Variants in MARCHF1 observed in about 807,000 individuals in gnomAD.
MARCHF1 encodes membrane associated ring-CH-type finger 1.
In MARCHF1, 40 loss-of-function variants were observed where a neutral mutation model predicts 54.2. The ratio of observed to expected loss-of-function variants is 0.74; its 90% confidence interval spans 0.57 to 0.96. The LOEUF (loss-of-function observed/expected upper bound fraction) is 0.96, where lower values mean the gene tolerates loss of function less well. MARCHF1 is among the 40% of genes least tolerant of loss of function. The probability of loss-of-function intolerance (pLI) is 0.00; values close to 1 mark genes in which losing one functional copy is unlikely to be tolerated. For missense variants in MARCHF1, 586 were observed against 656.5 expected, an observed-to-expected ratio of 0.89 and a Z score of 1.17; for synonymous variants, 236 against 236.3, an observed-to-expected ratio of 1.00 and a Z score of 0.01.
chr4:164,124,536 C>T (rs1252502167), intron 1 of MARCHF1, among the ~76,000 whole-genome samples: 3 of 152,150 alleles, frequency 2.0e-5, no homozygotes, highest in Middle Eastern at 3.4e-3. Flanking sequence ...AAGTGTCCAT[C>T]GACAGACAAA....
chr4:164,083,842 C>T (rs761899937), intron 2 of MARCHF1, among the ~76,000 whole-genome samples: 10 of 152,138 alleles, frequency 6.6e-5, no homozygotes, highest in African/African-American at 2.2e-4. Context: ...AATATTATAC[C>T]TGATGGCATG....
In MARCHF1 at chr4:164,144,287, C is replaced by G. The variant is rs538063602; in HGVS notation, c.-322-32625G>C. On this transcript the variant is annotated intron_variant, in intron 1 of 9. Transcript: ENST00000514618. ...TGAGACAGAAAGTCAACAAGGATAC[C>G]CAGGAATTGAACTCAGCTCTGCACC... Among the ~76,000 whole-genome samples the G allele has an allele frequency of 2.0e-4, 31 of 151,654 alleles. No homozygotes were observed. The Middle Eastern group carries it at 0.01, about 50-fold the overall frequency.
chr4:164,128,597 AT>A (rs932944007), intron 1 of MARCHF1, among the ~76,000 whole-genome samples: 1 of 152,068 alleles, frequency 6.6e-6, no homozygotes, highest in African/African-American at 2.4e-5. Context: ...GGTTGGCAAA[AT>A]TTTTTTAAAT....
intron 4 of MARCHF1, among the ~76,000 whole-genome samples, chr4:163,749,899 T>TAA (rs3085804): frequency 0.047 from 7,039 of 149,018 alleles, 242 homozygotes; most frequent in African/African-American, 0.091. Context: ...CTATCTTTGT[T>TAA]AAAAAAAAAA....
At chr4:164,002,703 C>T (rs963156435) in intron 2 of MARCHF1, among the ~76,000 whole-genome samples, 5 of 151,592 alleles carry the variant, frequency 3.3e-5, no homozygotes, top group African/African-American at 1.2e-4. Flanking sequence ...TCCACTGATC[C>T]AAGAAGCCCA....
chr4:163,684,817 A>T (rs182977487), intron 5 of MARCHF1, among the ~76,000 whole-genome samples: 10 of 152,362 alleles, frequency 6.6e-5, no homozygotes, highest in Admixed American at 5.9e-4. Context: ...TGAAAGAATT[A>T]TGCAGTAAAC....
intron 1 of MARCHF1, chr4:164,189,033 C>T (rs1474451456): frequency 1.4e-6 from 1 of 691,748 alleles, no homozygotes; most frequent in Non-Finnish European, 2.6e-6. Context: ...GGGGAGAAGA[C>T]ATCCTGTTGT....
At chr4:164,338,751 T>C (rs1435829232) in intron 1 of MARCHF1, among the ~76,000 whole-genome samples, 1 of 152,182 alleles carries the variant, frequency 6.6e-6, no homozygotes, top group East Asian at 1.9e-4. Context: ...GGTAGGTGGA[T>C]CACCTGAGGT....
At chr4:163,553,279 G>C (rs538499428) in intron 8 of MARCHF1, among the ~76,000 whole-genome samples, 105 of 152,274 alleles carry the variant, frequency 6.9e-4, no homozygotes, top group African/African-American at 1.1e-3. Context: ...TCACAACTTG[G>C]AGCTTGCAGC....
rs1198539778 is a variant in MARCHF1, at chr4:163,525,585, G to T, written c.*3163C>A. ...TACAATTTAATCTTTACTCCTGTAC[G>T]ATAAGAGTGATAGTTCTTTAAAAAA... On this transcript the variant is annotated 3_prime_UTR_variant, in exon 10 of 10. Transcript: ENST00000514618. The T allele has an allele frequency of 6.6e-6, 1 of 151,946 alleles. No homozygotes were observed. Among genetic ancestry groups the T allele is most frequent in the African/African-American group, 2.4e-5 (1 of 41,400 alleles). 9.4% of individuals were successfully genotyped at this position (151,946 alleles called of 1,614,324 possible). A position where few individuals can be genotyped will look rare whatever the true frequency, so the allele number is the denominator to read the frequency against.
intron 4 of MARCHF1, among the ~76,000 whole-genome samples, chr4:163,797,478 TTCTC>T (rs1747951110): frequency 6.6e-6 from 1 of 152,072 alleles, no homozygotes; most frequent in Non-Finnish European, 1.5e-5. Flanking sequence ...CAGATTTCCT[TTCTC>T]TCTGTTATTT....
intron 5 of MARCHF1, among the ~76,000 whole-genome samples, chr4:163,670,384 G>GTCTATCTATCTA (rs1458064267): frequency 2.8e-5 from 3 of 107,172 alleles, no homozygotes; most frequent in African/African-American, 1.2e-4. Context: ...CTATCTATCT[G>GTCTATCTATCTA]TCTGTCTATC....
At chr4:163,897,380 C>T (rs1199399445) in intron 3 of MARCHF1, among the ~76,000 whole-genome samples, 1 of 152,116 alleles carries the variant, frequency 6.6e-6, no homozygotes, top group Non-Finnish European at 1.5e-5. Flanking sequence ...TCACTTTCTT[C>T]CTCTCACCCT....
intron 5 of MARCHF1, among the ~76,000 whole-genome samples, chr4:163,657,917 T>G (rs917746225): frequency 6.6e-6 from 1 of 152,224 alleles, no homozygotes; most frequent in East Asian, 1.9e-4. Context: ...TAACCCAAGA[T>G]GGATTAAAGA....
intron 5 of MARCHF1, among the ~76,000 whole-genome samples, chr4:163,682,073 C>T (rs1221523046): frequency 6.6e-6 from 1 of 152,136 alleles, no homozygotes; most frequent in South Asian, 2.1e-4. Flanking sequence ...CCAGGCTGAG[C>T]TGGTCTCAGA....
At chr4:164,202,361 A>G (rs1473596431) in intron 1 of MARCHF1, among the ~76,000 whole-genome samples, 1 of 152,204 alleles carries the variant, frequency 6.6e-6, no homozygotes, top group Non-Finnish European at 1.5e-5. Flanking sequence ...GTTCCATATG[A>G]CTGTATCTTA....
intron 1 of MARCHF1, chr4:164,189,263 G>C: frequency 5.1e-6 from 3 of 587,726 alleles, no homozygotes; most frequent in Non-Finnish European, 9.4e-6. Context: ...GAAAAGGCCA[G>C]ATGGGCCCTG....
At chr4:164,048,285 CT>C (rs1754284004) in intron 2 of MARCHF1, among the ~76,000 whole-genome samples, 1 of 151,996 alleles carries the variant, frequency 6.6e-6, no homozygotes, top group African/African-American at 2.4e-5. Context: ...CAAAGTGTAG[CT>C]CACTACAGCA....
intron 1 of MARCHF1, among the ~76,000 whole-genome samples, chr4:164,172,033 T>C (rs1399172822): frequency 6.6e-6 from 1 of 152,188 alleles, no homozygotes; most frequent in Non-Finnish European, 1.5e-5. Flanking sequence ...AGAATTAAGA[T>C]GTCAAACCAC....
Sources: allele counts gnomAD v4.1 joint callset (sites outside exome capture counted in the v4.1 genomes callset), GRCh38; gene constraint gnomAD v4.1.1; transcripts MANE v1.5; gene names NCBI Gene and HGNC (gene_info 2026-07-23, HGNC 2026-07-21).